C11orf65: variants seen among roughly 807,000 people sequenced by gnomAD.
C11orf65 encodes the protein chromosome 11 open reading frame 65.
A neutral mutation model predicts 35.3 loss-of-function variants in C11orf65; 38 were observed. That is an observed-to-expected ratio of 1.08 (90% CI 0.83 to 1.41). C11orf65 has a LOEUF of 1.41. Ranked by LOEUF, C11orf65 falls within the 40% of genes most tolerant of loss-of-function variation. The pLI, the probability that C11orf65 is intolerant of heterozygous loss-of-function variation, is 0.00. For synonymous variants in C11orf65, 105 were observed against 114.4 expected, an observed-to-expected ratio of 0.92 and a Z score of 0.53; for missense variants, 370 against 367.1, an observed-to-expected ratio of 1.01 and a Z score of -0.06.
intron 6 of C11orf65, among the ~76,000 whole-genome samples, chr11:108,324,524 T>C (rs2085466837): frequency 6.6e-6 from 1 of 151,982 alleles, no homozygotes; most frequent in Non-Finnish European, 1.5e-5. Flanking sequence ...TGTAAAGGAG[T>C]TCCGCAAAAA....
At position 108,345,923 on chromosome 11, in the gene C11orf65, C is replaced by G. The variant is rs2137040413; in HGVS notation, c.227-10631G>C. 1.9e-6 allele frequency: 3 copies of G among 1,612,972 alleles called. No individual in the cohort carries two copies. The highest frequency in any genetic ancestry group is 2.5e-6 in the Non-Finnish European group (3 of 1,179,226). On this transcript the variant is annotated intron_variant, in intron 2 of 3. Transcript: ENST00000524755. The stretch of plus-strand genomic sequence containing the variant: ...TTCTTCTATTGGTAATCTTCTTGTA[C>G]ATATAGTAGATTGAGCACTTTGTTG...
chr11:108,466,919 T>C (rs372934528), intron 1 of C11orf65, among the ~76,000 whole-genome samples: 1 of 152,234 alleles, frequency 6.6e-6, no homozygotes, highest in Non-Finnish European at 1.5e-5. Flanking sequence ...GCGTGGCCTT[T>C]ATAAGTTTCG....
At chr11:108,444,397 G>C (rs1213519087) in intron 2 of C11orf65, among the ~76,000 whole-genome samples, 1 of 152,114 alleles carries the variant, frequency 6.6e-6, no homozygotes, top group Non-Finnish European at 1.5e-5. Flanking sequence ...GTACAAAGAG[G>C]AGCTGCTACC....
At chr11:108,346,461 A>G (rs1248544218) in intron 2 of C11orf65, 14 of 152,522 alleles carry the variant, frequency 9.2e-5, no homozygotes, top group African/African-American at 3.4e-4. Context: ...GAGTATGAGA[A>G]CTAATGTAAA....
At chr11:108,408,061 G>T (rs2092581066) in intron 3 of C11orf65, among the ~76,000 whole-genome samples, 1 of 148,528 alleles carries the variant, frequency 6.7e-6, no homozygotes, top group Non-Finnish European at 1.5e-5. Flanking sequence ...TAGGGTACAT[G>T]TGCACAATGT....
intron 3 of C11orf65, among the ~76,000 whole-genome samples, chr11:108,427,123 G>A (rs1355083694): frequency 2.6e-5 from 4 of 152,066 alleles, no homozygotes; most frequent in Non-Finnish European, 5.9e-5. Context: ...CAGGACCTAG[G>A]CATGGGCAAA....
Position 108,408,678 on chromosome 11 carries a change from T to C in C11orf65, c.175-1529A>G, listed in dbSNP as rs60823175. Reference sequence around the variant, plus strand: ...GCAACAGAGACTCTGTCTCAATAAATAAAATAAAATAAAATAAAATAAAAT... The same window carrying C: ...GCAACAGAGACTCTGTCTCAATAAACAAAATAAAATAAAATAAAATAAAAT... On this transcript the variant is annotated intron_variant, in intron 3 of 8. Transcript: ENST00000393084. 4.4e-3 allele frequency among the ~76,000 whole-genome samples: 214 copies of C among 48,968 alleles called. 2 individuals are homozygous for C. Among genetic ancestry groups the C allele is most frequent in the African/African-American group, 0.018 (198 of 11,088 alleles). 32.1% of individuals were successfully genotyped at this position (48,968 alleles called of 152,430 possible).
chr11:108,343,980 A>G (rs2087947714), intron 2 of C11orf65, among the ~76,000 whole-genome samples: 1 of 152,176 alleles, frequency 6.6e-6, no homozygotes, highest in Non-Finnish European at 1.5e-5. Flanking sequence ...ACAAATATCA[A>G]ATATTACGAC....
chr11:108,315,331 G>A (rs1169515754), intron 6 of C11orf65, among the ~76,000 whole-genome samples: 1 of 152,088 alleles, frequency 6.6e-6, no homozygotes, highest in African/African-American at 2.4e-5. Flanking sequence ...GTTTATATTT[G>A]TCTTAACCAC....
downstream of C11orf65, among the ~76,000 whole-genome samples, chr11:108,380,148 C>T (rs780029198): frequency 3.9e-5 from 6 of 152,180 alleles, no homozygotes; most frequent in South Asian, 4.1e-4. Context: ...ACGTTCCCTA[C>T]GAACTTGGGC....
intron 6 of C11orf65, chr11:108,310,362 G>A (rs2084046868): frequency 6.5e-6 from 10 of 1,539,344 alleles, no homozygotes; most frequent in Non-Finnish European, 8.1e-6. Context: ...TGTTGGCATT[G>A]TCTCAATAAG....
At chr11:108,321,344 G>C (rs2136239887) in intron 6 of C11orf65, 1 of 1,614,172 alleles carries the variant, frequency 6.2e-7, no homozygotes, top group South Asian at 1.1e-5. Flanking sequence ...CCTTGAGTCT[G>C]TGTATTCGCT....
Position 108,424,924 on chromosome 11 carries a change from G to T in C11orf65, c.174+6822C>A, listed in dbSNP as rs561292475. Among the ~76,000 whole-genome samples, 37 of 152,204 alleles carry T rather than the reference G, an allele frequency of 2.4e-4. 1 individual carries two copies. Among genetic ancestry groups the T allele is most frequent in the African/African-American group, 8.9e-4 (37 of 41,540 alleles). On this transcript the variant is annotated intron_variant, in intron 3 of 8. Transcript: ENST00000393084. ...ATGACTACTGGATAAATAACGAAAC[G>T]AAGGCAGAAATAAATAAGTTATTTG...
chr11:108,422,740 G>A (rs984853295), intron 3 of C11orf65, among the ~76,000 whole-genome samples: 2 of 151,958 alleles, frequency 1.3e-5, no homozygotes, highest in African/African-American at 4.8e-5. Flanking sequence ...AAATTAGCAG[G>A]GCATGGTGGC....
rs183464559 is a variant in C11orf65, at chr11:108,318,782, C to G, written c.641-9711G>C. 4.1e-3 allele frequency among the ~76,000 whole-genome samples: 631 copies of G among 152,130 alleles called. 2 individuals carry two copies. The highest frequency in any genetic ancestry group is 0.024 in the Middle Eastern group (7 of 294). ...GTTTTCTGAATGAAAAGCCAAGCAC[C>G]TAATCTAATAAAGGATTTCATATTT... On this transcript the variant is annotated intron_variant, in intron 6 of 6. Coordinates refer to the C11orf65 transcript ENST00000525729.
At chr11:108,437,094 C>CAA (rs34835160) in intron 2 of C11orf65, among the ~76,000 whole-genome samples, 29,517 of 72,250 alleles carry the variant, frequency 0.41, 6,207 homozygotes, top group Middle Eastern at 0.69. Context: ...CCCATTACGA[C>CAA]AAAAAAAAAA....
chr11:108,463,280 G>C (rs2093493863), intron 1 of C11orf65, among the ~76,000 whole-genome samples: 1 of 152,012 alleles, frequency 6.6e-6, no homozygotes, highest in Non-Finnish European at 1.5e-5. Flanking sequence ...TTTCAAAAAG[G>C]ATACGCCATT....
intron 2 of C11orf65, among the ~76,000 whole-genome samples, chr11:108,451,437 C>T (rs923064117): frequency 1.3e-5 from 2 of 151,896 alleles, no homozygotes; most frequent in Non-Finnish European, 2.9e-5. Flanking sequence ...ATCTAGGAAT[C>T]CAACTTACAA....
intron 2 of C11orf65, among the ~76,000 whole-genome samples, chr11:108,437,110 A>AAAGGGG (rs35610227): frequency 2.0e-5 from 2 of 101,928 alleles, no homozygotes; most frequent in African/African-American, 3.8e-5. Flanking sequence ...AAAAAAAAAA[A>AAAGGGG]GGGGGGGGGT....
Sources: allele counts gnomAD v4.1 joint callset (sites outside exome capture counted in the v4.1 genomes callset), GRCh38; gene constraint gnomAD v4.1.1; transcripts MANE v1.5; gene names NCBI Gene and HGNC (gene_info 2026-07-23, HGNC 2026-07-21).